ADCY2: variants seen among roughly 807,000 people sequenced by gnomAD.
The protein encoded by ADCY2 is adenylate cyclase type 2.
ADCY2 carries 31 observed loss-of-function variants against 125.2 expected under a neutral mutation model. The ratio of observed to expected loss-of-function variants is 0.25; its 90% CI spans 0.19 to 0.33. The LOEUF (loss-of-function observed/expected upper bound fraction) is 0.33. ADCY2 is among the 10% of genes least tolerant of loss of function. The pLI, the probability that ADCY2 is intolerant of heterozygous loss-of-function variation, is 1.00. For missense variants in ADCY2, 904 were observed against 1,418.2 expected, an observed-to-expected ratio of 0.64 and a Z score of 5.82; for synonymous variants, 512 against 548.4, an observed-to-expected ratio of 0.93 and a Z score of 0.93.
chr5:7,785,017 C>A (rs1744039838), intron 19 of ADCY2, among the ~76,000 whole-genome samples: 1 of 152,228 alleles, frequency 6.6e-6, no homozygotes, highest in East Asian at 1.9e-4. Context: ...GACAATTATT[C>A]TTCCTCTGCC....
intron 4 of ADCY2, among the ~76,000 whole-genome samples, chr5:7,660,239 A>AGAAGGAAAGAAG (rs1459400217): frequency 6.3e-4 from 64 of 101,330 alleles, no homozygotes; most frequent in African/African-American, 2.6e-3. Flanking sequence ...AGGGAGGGAG[A>AGAAGGAAAGAAG]GAAGGAAGGA....
intron 3 of ADCY2, among the ~76,000 whole-genome samples, chr5:7,569,104 A>T (rs556217193): frequency 4.6e-5 from 7 of 152,308 alleles, no homozygotes; most frequent in Non-Finnish European, 7.4e-5. Context: ...ATATGGCCTC[A>T]TGGAGGGATA....
intron 15 of ADCY2, among the ~76,000 whole-genome samples, chr5:7,748,857 C>T: frequency 6.6e-6 from 1 of 152,150 alleles, no homozygotes; most frequent in East Asian, 1.9e-4. Flanking sequence ...AGGTAATATC[C>T]ATTTGACAGT....
intron 2 of ADCY2, among the ~76,000 whole-genome samples, chr5:7,462,959 G>A (rs894648478): frequency 1.3e-5 from 2 of 152,190 alleles, no homozygotes; most frequent in African/African-American, 2.4e-5. Flanking sequence ...TGAAAGGAGA[G>A]GGAATGAATT....
chr5:7,713,820 C>T (rs895237938), intron 11 of ADCY2, among the ~76,000 whole-genome samples: 12 of 152,128 alleles, frequency 7.9e-5, no homozygotes, highest in Non-Finnish European at 1.8e-4. Flanking sequence ...GGCTTTCTTT[C>T]TCCCCAGAGA....
chr5:7,704,327 C>G (rs1741191318), intron 7 of ADCY2, among the ~76,000 whole-genome samples: 1 of 152,226 alleles, frequency 6.6e-6, no homozygotes, highest in African/African-American at 2.4e-5. Context: ...AGCAGCACCT[C>G]ATTCCCTGCT....
chr5:7,805,654 G>T (rs1395082921), intron 22 of ADCY2, among the ~76,000 whole-genome samples: 1 of 152,096 alleles, frequency 6.6e-6, no homozygotes, highest in African/African-American at 2.4e-5. Flanking sequence ...AAGAGAAGAA[G>T]GGTTGAGTAC....
intron 2 of ADCY2, among the ~76,000 whole-genome samples, chr5:7,489,705 T>G (rs1410651547): frequency 1.3e-5 from 2 of 152,200 alleles, no homozygotes; most frequent in African/African-American, 4.8e-5. Flanking sequence ...GGTATGCATC[T>G]CCAACCCCAA....
intron 2 of ADCY2, among the ~76,000 whole-genome samples, chr5:7,426,471 G>C (rs1740392834): frequency 1.3e-5 from 2 of 152,172 alleles, no homozygotes; most frequent in South Asian, 4.1e-4. Flanking sequence ...AGAAGAGATG[G>C]AAAGACCAGG....
At chr5:7,597,428 A>G (rs765170713) in intron 3 of ADCY2, among the ~76,000 whole-genome samples, 2 of 152,106 alleles carry the variant, frequency 1.3e-5, no homozygotes, top group Non-Finnish European at 2.9e-5. Flanking sequence ...ACAGGGTTTA[A>G]CCCTGCCATC....
At chr5:7,513,104 C>CAG (rs1374942824) in intron 2 of ADCY2, among the ~76,000 whole-genome samples, 2 of 145,932 alleles carry the variant, frequency 1.4e-5, no homozygotes, top group South Asian at 2.3e-4. Context: ...CACACACACA[C>CAG]ACAGAGAGAG....
chr5:7,505,992 T>C (rs577505953), intron 2 of ADCY2, among the ~76,000 whole-genome samples: 1 of 152,242 alleles, frequency 6.6e-6, no homozygotes, highest in Admixed American at 6.5e-5. Flanking sequence ...ACCTTACCTT[T>C]TTTTTTTCCC....
intron 15 of ADCY2, among the ~76,000 whole-genome samples, chr5:7,747,198 T>C (rs1742652401): frequency 6.6e-6 from 1 of 152,212 alleles, no homozygotes; most frequent in Non-Finnish European, 1.5e-5. Context: ...TCAGTTCTTG[T>C]GCACGTGGGT....
In ADCY2 at chr5:7,696,996, C is replaced by T. The variant is rs1158146668; in HGVS notation, c.981+1133C>T. Among the ~76,000 whole-genome samples the T allele has an allele frequency of 2.0e-5, 3 of 151,936 alleles. No homozygotes were observed. The East Asian group carries it at 5.8e-4, about 29-fold the overall frequency. On this transcript the variant is annotated intron_variant, in intron 6 of 24. Coordinates refer to ENST00000338316, the MANE Select transcript of ADCY2 (RefSeq NM_020546.3). ...ATAAAAGGTCATTTTTGTTGGACTACCTGTTCATGTTAGGAAGAAACGTTT... is the reference window on the plus strand; with the variant it reads ...ATAAAAGGTCATTTTTGTTGGACTATCTGTTCATGTTAGGAAGAAACGTTT...
intron 24 of ADCY2, among the ~76,000 whole-genome samples, chr5:7,821,642 G>T (rs1197964851): frequency 6.6e-6 from 1 of 152,252 alleles, no homozygotes; most frequent in African/African-American, 2.4e-5. Context: ...TTAGCCACCA[G>T]AAGTCACAGT....
intron 4 of ADCY2, among the ~76,000 whole-genome samples, chr5:7,677,274 A>G (rs1025266636): frequency 9.9e-5 from 15 of 152,114 alleles, no homozygotes; most frequent in Non-Finnish European, 2.9e-5. Context: ...GAGAAACTCC[A>G]TCTAGAAAAA....
chr5:7,663,288 C>T (rs926910560), intron 4 of ADCY2, among the ~76,000 whole-genome samples: 1 of 152,230 alleles, frequency 6.6e-6, no homozygotes, highest in African/African-American at 2.4e-5. Flanking sequence ...AGGCACTCCA[C>T]ATAAAGCATA....
chr5:7,694,351 A>G (rs1740819470), intron 5 of ADCY2, among the ~76,000 whole-genome samples: 1 of 152,154 alleles, frequency 6.6e-6, no homozygotes, highest in African/African-American at 2.4e-5. Flanking sequence ...GGACACTTAC[A>G]TTGTTCTACA....
chr5:7,810,438 T>G (rs1744901532), intron 22 of ADCY2, among the ~76,000 whole-genome samples: 1 of 152,010 alleles, frequency 6.6e-6, no homozygotes, highest in African/African-American at 2.4e-5. Context: ...GATGGGTGGG[T>G]TATCTACCTA....
Sources: gnomAD v4.1 joint callset for allele counts (sites outside exome capture counted in the v4.1 genomes callset) on GRCh38, gnomAD v4.1.1 for gene constraint, MANE v1.5 for transcripts, NCBI Gene and HGNC (gene_info 2026-07-23, HGNC 2026-07-21) for gene names.